QRSL1: variants seen among roughly 807,000 people sequenced by gnomAD.
QRSL1 encodes the protein glutaminyl-tRNA amidotransferase subunit QRSL1, also known as glutamyl-tRNA(Gln) amidotransferase subunit A, mitochondrial.
QRSL1 carries 54 observed loss-of-function variants against 61.6 expected under a neutral mutation model. The observed-to-expected ratio is 0.88, with a 90% CI of 0.70 to 1.10. The LOEUF is 1.10. Ranked by LOEUF, QRSL1 falls within the 50% of genes least tolerant of loss-of-function variation. The pLI is 0.00. For missense variants in QRSL1, 505 were observed against 622.6 expected (o/e 0.81, Z 2.01); for synonymous variants, 228 against 225.7 (o/e 1.01, Z -0.09).
chr6:106,654,482 G>A (rs910799775), intron 7 of QRSL1, among the ~76,000 whole-genome samples: 23 of 151,836 alleles, frequency 1.5e-4, no homozygotes, highest in African/African-American at 3.9e-4. Context: ...TCCCCAACCA[G>A]ATCTCCAATC....
chr6:106,654,101 C>G (rs1777227567), intron 7 of QRSL1, among the ~76,000 whole-genome samples: 2 of 152,146 alleles, frequency 1.3e-5, no homozygotes, highest in Admixed American at 1.3e-4. Context: ...CCTGTAATCC[C>G]AGCACTTTGG....
At chr6:106,642,702 C>G in intron 3 of QRSL1, 1 of 753,174 alleles carries the variant, frequency 1.3e-6, no homozygotes, top group Non-Finnish European at 2.4e-6. Context: ...AAGATTCTTG[C>G]CAAGAGAATG....
intron 1 of QRSL1, among the ~76,000 whole-genome samples, chr6:106,635,201 A>C (rs1458881995): frequency 6.6e-6 from 1 of 152,130 alleles, no homozygotes; most frequent in African/African-American, 2.4e-5. Context: ...AAATAGAAGA[A>C]GACCTAAAAT....
intron 1 of QRSL1, among the ~76,000 whole-genome samples, chr6:106,632,403 A>T (rs1260670768): frequency 3.3e-5 from 5 of 150,184 alleles, no homozygotes; most frequent in Admixed American, 6.6e-5. Context: ...TTTTTTAGAG[A>T]TGGGGTCTCA....
rs564917599 is a variant in QRSL1 at position 106,654,243 on chromosome 6, G to A, written c.850-487G>A. Among the ~76,000 whole-genome samples the A allele has an allele frequency of 2.2e-3, 342 of 152,194 alleles. 1 individual carries two copies. Among genetic ancestry groups the A allele is most frequent in the Non-Finnish European group, 4.1e-3 (279 of 67,990 alleles). ...TGGGTGCCTGTAGTCCCAGCTACTC[G>A]GAAGGCTAAGGCAGGAGAATGGCGT... On this transcript the variant is annotated intron_variant, in intron 7 of 10. Transcript: ENST00000369046.
intron 3 of QRSL1, among the ~76,000 whole-genome samples, chr6:106,641,909 G>A (rs988227335): frequency 2.6e-5 from 4 of 152,158 alleles, no homozygotes. Flanking sequence ...AATAGTGAAG[G>A]CACAGACTAT....
chr6:106,647,528 C>T, intron 4 of QRSL1, among the ~76,000 whole-genome samples: 1 of 132,778 alleles, frequency 7.5e-6, no homozygotes, highest in Non-Finnish European at 1.6e-5. Context: ...CACTGCACTC[C>T]AGCCTGGGCA....
chr6:106,634,301 G>A (rs1776884848), intron 1 of QRSL1, among the ~76,000 whole-genome samples: 1 of 152,202 alleles, frequency 6.6e-6, no homozygotes, highest in African/African-American at 2.4e-5. Context: ...ACAGGTAGGA[G>A]CCAAATTGTG....
intron 5 of QRSL1, among the ~76,000 whole-genome samples, chr6:106,651,404 G>A (rs560849453): frequency 2.0e-5 from 3 of 152,182 alleles, no homozygotes; most frequent in Admixed American, 1.3e-4. Context: ...ACTCAGTGAC[G>A]GTACTGAAAC....
At chr6:106,647,624 GA>G (rs1211398883) in intron 4 of QRSL1, among the ~76,000 whole-genome samples, 7 of 146,826 alleles carry the variant, frequency 4.8e-5, no homozygotes, top group South Asian at 4.3e-4. Context: ...TTTGATCCAG[GA>G]AGGAGATAAA....
chr6:106,638,037 G>T (rs1168576258), intron 1 of QRSL1, among the ~76,000 whole-genome samples: 1 of 152,240 alleles, frequency 6.6e-6, no homozygotes, highest in African/African-American at 2.4e-5. Context: ...TCTGGAAGCA[G>T]CTTGAGGATT....
At chr6:106,647,576 A>T (rs1777129553) in intron 4 of QRSL1, among the ~76,000 whole-genome samples, 1 of 132,458 alleles carries the variant, frequency 7.5e-6, no homozygotes, top group Non-Finnish European at 1.7e-5. Context: ...AAAAAAAGAG[A>T]GAGACAATGA....
At chr6:106,636,598 C>T (rs911537376) in intron 1 of QRSL1, among the ~76,000 whole-genome samples, 3 of 152,246 alleles carry the variant, frequency 2.0e-5, no homozygotes, top group Admixed American at 6.5e-5. Context: ...GGATTACAGG[C>T]ATGAGCCACC....
chr6:106,642,645 C>T, intron 3 of QRSL1: 1 of 780,736 alleles, frequency 1.3e-6, no homozygotes, highest in Non-Finnish European at 2.3e-6. Flanking sequence ...GGAGAGTACA[C>T]AGTGTTCCCC....
At chr6:106,632,637 G>T (rs1169198560) in intron 1 of QRSL1, among the ~76,000 whole-genome samples, 3 of 152,076 alleles carry the variant, frequency 2.0e-5, no homozygotes, top group Admixed American at 6.6e-5. Context: ...CTGTCTTTTG[G>T]ATAGAAGCTA....
At chr6:106,647,324 T>C (rs1179422165) in intron 4 of QRSL1, among the ~76,000 whole-genome samples, 2 of 151,918 alleles carry the variant, frequency 1.3e-5, no homozygotes, top group Non-Finnish European at 2.9e-5. Context: ...ATATCGTTGA[T>C]CATTAGTGGA....
rs201955123 is a variant in QRSL1 at position 106,649,240 on chromosome 6, C to G, written c.557+39C>G. 1,505 of 1,564,708 alleles carry G rather than the reference C, an allele frequency of 9.6e-4. 1 individual carries two copies. The highest frequency in any genetic ancestry group is 1.1e-3 in the Non-Finnish European group (1,310 of 1,147,756). ...CTCTATCTGTATTTTAAAACCCACC[C>G]AAATACAAACAGTCATAAACTGTAT... On this transcript the variant is annotated intron_variant, in intron 5 of 10. Transcript: ENST00000369046.
At chr6:106,642,340 GCCACC>G (rs1282201456) in intron 3 of QRSL1, 11 of 332,576 alleles carry the variant, frequency 3.3e-5, no homozygotes, top group African/African-American at 2.4e-4. Flanking sequence ...ACAGGCGTGA[GCCACC>G]CCGCCCCGCC....
intron 1 of QRSL1, among the ~76,000 whole-genome samples, chr6:106,630,237 A>G (rs185894139): frequency 2.0e-5 from 3 of 152,258 alleles, no homozygotes; most frequent in East Asian, 3.9e-4. Flanking sequence ...GTATTTGTGA[A>G]TGCTTTCTGG....
Sources: gnomAD v4.1 joint callset for allele counts (sites outside exome capture counted in the v4.1 genomes callset) on GRCh38, gnomAD v4.1.1 for gene constraint, MANE v1.5 for transcripts, NCBI Gene and HGNC (gene_info 2026-07-23, HGNC 2026-07-21) for gene names.